Variants in WWP2 observed in about 807,000 individuals in gnomAD.
WWP2 encodes the protein NEDD4-like E3 ubiquitin-protein ligase WWP2.
Under a neutral mutation model 121.0 loss-of-function variants are expected in WWP2, and 57 were observed. The ratio of observed to expected loss-of-function variants is 0.47; its 90% CI spans 0.38 to 0.59. The LOEUF (loss-of-function observed/expected upper bound fraction) is 0.59. Among genes scored for constraint, WWP2 ranks in the 20% least tolerant of loss-of-function variants. The pLI, the probability that WWP2 is intolerant of heterozygous loss-of-function variation, is 0.00. For missense variants in WWP2, 962 were observed against 1,158.9 expected (o/e 0.83, Z 2.47); for synonymous variants, 449 against 441.3 (o/e 1.02, Z -0.22).
intron 7 of WWP2, 47 bp downstream of exon 7, chr16:69,871,978 TCA>T (rs2057648345): frequency 6.3e-7 from 1 of 1,585,250 alleles, no homozygotes; most frequent in Non-Finnish European, 8.6e-7. Flanking sequence ...CTGTGGGCTC[TCA>T]CCCGTTCTAA....
chr16:69,916,810 CTG>C (rs2058485581), intron 9 of WWP2, among the ~76,000 whole-genome samples: 2 of 152,140 alleles, frequency 1.3e-5, no homozygotes, highest in African/African-American at 4.8e-5. Context: ...TGGGAACTGA[CTG>C]TGGGTCCTAG....
At chr16:69,869,716 G>A (rs982080172) in intron 6 of WWP2, among the ~76,000 whole-genome samples, 1 of 152,144 alleles carries the variant, frequency 6.6e-6, no homozygotes, top group South Asian at 2.1e-4. Context: ...ATCTAGAAGA[G>A]CACAAAAGGG....
At chr16:69,848,549 AT>A (rs755259506) in intron 6 of WWP2, among the ~76,000 whole-genome samples, 7 of 144,896 alleles carry the variant, frequency 4.8e-5, no homozygotes, top group Non-Finnish European at 9.0e-5. Flanking sequence ...AGTTGGGAGG[AT>A]TGCTTGAGCC....
At chr16:69,921,280 G>A (rs2058557650) in intron 10 of WWP2, among the ~76,000 whole-genome samples, 1 of 152,180 alleles carries the variant, frequency 6.6e-6, no homozygotes, top group African/African-American at 2.4e-5. Flanking sequence ...AAGAAGGGTT[G>A]CTTTCATATA....
rs200212833 is a variant in WWP2, at chr16:69,803,367, TA to T, written c.340+4080del. The stretch of plus-strand genomic sequence containing the variant: ...TTTTTTTTACTTTGGAACATTTACA[TA>T]AAAAAAACATTATCTTACACAATTA... On this transcript the variant is annotated intron_variant, in intron 4 of 23. Transcript: ENST00000359154. 4.0e-4 allele frequency among the ~76,000 whole-genome samples: 60 copies of T among 149,656 alleles called. 1 individual carries two copies. The highest frequency in any genetic ancestry group is 7.6e-4 in the African/African-American group (30 of 39,308).
At chr16:69,813,758 A>G (rs1259098016) in intron 4 of WWP2, among the ~76,000 whole-genome samples, 2 of 152,192 alleles carry the variant, frequency 1.3e-5, no homozygotes, top group African/African-American at 4.8e-5. Context: ...GCTGTGAGCC[A>G]CTGTGCCTGG....
intron 9 of WWP2, among the ~76,000 whole-genome samples, chr16:69,914,071 C>CA (rs34269202): frequency 0.12 from 3,796 of 32,226 alleles, 1,034 homozygotes; most frequent in African/African-American, 0.26. Context: ...GACTCTGTCT[C>CA]AAAAAAAAAA....
intron 2 of WWP2, among the ~76,000 whole-genome samples, chr16:69,796,020 CT>C (rs796199052): frequency 6.1e-4 from 88 of 143,288 alleles, no homozygotes; most frequent in Admixed American, 7.7e-4. Context: ...TTTTTTCTTT[CT>C]TTTTTTTTTT....
At chr16:69,851,843 C>T (rs1222688237) in intron 6 of WWP2, among the ~76,000 whole-genome samples, 3 of 151,800 alleles carry the variant, frequency 2.0e-5, no homozygotes, top group Non-Finnish European at 2.9e-5. Context: ...ATTAGCTGGG[C>T]GTGGTAGTGC....
intron 6 of WWP2, among the ~76,000 whole-genome samples, chr16:69,849,691 C>G (rs1479373860): frequency 6.6e-6 from 1 of 151,998 alleles, no homozygotes. Flanking sequence ...TGCCTGAGTC[C>G]CAGCTCTTTG....
In WWP2 at chr16:69,937,736, G is replaced by A. The variant is rs1477340103; in HGVS notation, c.2343+84G>A. ...GTCCTGAGGAGGCCTCACGCGCAAG[G>A]ACCTTCAGCTTTGGCCCTGTCCTTG... On this transcript the variant is annotated intron_variant, in intron 21 of 23. Transcript: ENST00000359154. The surrounding 1 kb of genome is among the most constrained non-coding windows in gnomAD (Gnocchi z 6.6). 5 of 1,357,038 alleles carry A rather than the reference G, an allele frequency of 3.7e-6. No homozygotes were observed. The highest frequency in any genetic ancestry group is 5.2e-6 in the Non-Finnish European group (5 of 967,498). The allele number at this position is 1,357,038 out of a possible 1,614,324, so 84.1% of individuals were successfully genotyped here.
intron 1 of WWP2, among the ~76,000 whole-genome samples, chr16:69,765,744 A>G (rs1050109395): frequency 6.6e-6 from 1 of 152,086 alleles, no homozygotes; most frequent in Admixed American, 6.6e-5. Context: ...GAATTGCTTG[A>G]GCTCGGGAGA....
At chr16:69,913,763 G>A (rs1324832938) in intron 9 of WWP2, among the ~76,000 whole-genome samples, 3 of 151,928 alleles carry the variant, frequency 2.0e-5, no homozygotes, top group African/African-American at 7.2e-5. Context: ...GAAAAATTCA[G>A]TAGAATGGTT....
At chr16:69,914,171 C>A (rs1053836102) in intron 9 of WWP2, among the ~76,000 whole-genome samples, 1 of 145,552 alleles carries the variant, frequency 6.9e-6, no homozygotes, top group Admixed American at 7.0e-5. Flanking sequence ...AAGAATAGTT[C>A]TTTAGCAAGA....
intron 8 of WWP2, among the ~76,000 whole-genome samples, chr16:69,907,686 G>C (rs970589854): frequency 6.6e-5 from 10 of 152,210 alleles, no homozygotes; most frequent in Middle Eastern, 3.4e-3. Context: ...TGTACTGATC[G>C]GGCTTGTGTA....
At chr16:69,849,317 C>T (rs2057154502) in intron 6 of WWP2, among the ~76,000 whole-genome samples, 1 of 152,172 alleles carries the variant, frequency 6.6e-6, no homozygotes, top group Non-Finnish European at 1.5e-5. Context: ...CCTCCTTCCA[C>T]TGAGGTGACT....
At chr16:69,776,783 G>A (rs1393394808) in intron 1 of WWP2, among the ~76,000 whole-genome samples, 1 of 151,358 alleles carries the variant, frequency 6.6e-6, no homozygotes, top group Non-Finnish European at 1.5e-5. Flanking sequence ...AGCCGAGATT[G>A]TGCCATTGCA....
intron 7 of WWP2, among the ~76,000 whole-genome samples, chr16:69,877,096 T>G (rs1050812242): frequency 5.9e-5 from 9 of 152,206 alleles, no homozygotes; most frequent in African/African-American, 1.9e-4. Flanking sequence ...AGGCATGAAC[T>G]TCTCTTTATC....
chr16:69,827,364 A>G (rs1045623218), intron 4 of WWP2, among the ~76,000 whole-genome samples: 7 of 152,164 alleles, frequency 4.6e-5, no homozygotes, highest in African/African-American at 1.7e-4. Flanking sequence ...ACTGCACTCC[A>G]GCCTGGGCGA....
Sources: allele counts gnomAD v4.1 joint callset (sites outside exome capture counted in the v4.1 genomes callset), GRCh38; gene constraint gnomAD v4.1.1; non-coding constraint Gnocchi (gnomAD v3.1); transcripts MANE v1.5; gene names NCBI Gene and HGNC (gene_info 2026-07-23, HGNC 2026-07-21).